The following ATP13A5 variants were observed in gnomAD, a reference collection of about 807,000 sequenced individuals.
ATP13A5 encodes the protein ATPase 13A5.
A neutral mutation model predicts 150.2 loss-of-function variants in ATP13A5; 149 were observed. The observed-to-expected ratio is 0.99, with a 90% CI of 0.87 to 1.14. The LOEUF (loss-of-function observed/expected upper bound fraction) is 1.14. Among genes scored for constraint, ATP13A5 ranks in the 50% most tolerant of loss-of-function variants. The probability of loss-of-function intolerance (pLI) is 0.00; values close to 1 mark genes in which losing one functional copy is unlikely to be tolerated. For synonymous variants in ATP13A5, 497 were observed against 522.2 expected (o/e 0.95, Z 0.66); for missense variants, 1,383 against 1,449.3 (o/e 0.95, Z 0.74).
chr3:193,364,378 G>T, intron 1 of ATP13A5, 98 bp from the exon 2 acceptor site: 2 of 1,435,834 alleles, frequency 1.4e-6, no homozygotes, highest in Non-Finnish European at 1.9e-6. Flanking sequence ...AAGAATGTTG[G>T]CTGGGAGACA....
Position 193,319,052 on chromosome 3 carries a change from TG to T in ATP13A5, c.1971del (p.Ile658LeufsTer8). On this transcript the variant is annotated frameshift_variant, in exon 17 of 30. Transcript: ENST00000342358. LOFTEE classifies it high-confidence loss of function. Reference protein sequence around the residue: ...LRSYTVQGFRVIALAHKTLKM... With the variant: ...LRSYTVQGFRXIALAHKTLKM... ...TTTAAGGTTTTGTGGGCAAGAGCAA[TG>T]ACACGGAAGCCTTGCACCGTGTAAC... is the stretch of plus-strand genomic sequence containing the variant. 6.2e-7 allele frequency: 1 copy of T among 1,613,994 alleles called. No homozygotes were observed. Among genetic ancestry groups the T allele is most frequent in the Non-Finnish European group, 8.5e-7 (1 of 1,179,882 alleles).
At chr3:193,287,675 A>G (rs1717775182) in intron 26 of ATP13A5, among the ~76,000 whole-genome samples, 1 of 152,208 alleles carries the variant, frequency 6.6e-6, no homozygotes, top group Non-Finnish European at 1.5e-5. Context: ...GAGATGTATA[A>G]GGAAATTAAT....
intron 7 of ATP13A5, among the ~76,000 whole-genome samples, chr3:193,350,479 T>C (rs1486920867): frequency 6.6e-6 from 1 of 152,108 alleles, no homozygotes; most frequent in African/African-American, 2.4e-5. Flanking sequence ...CCTTATTGAG[T>C]ATAGAATCAA....
intron 26 of ATP13A5, 84 bp downstream of exon 26, chr3:193,289,801 A>T: frequency 7.5e-7 from 1 of 1,326,134 alleles, no homozygotes; most frequent in Non-Finnish European, 1.0e-6. Context: ...AAGTTTTAGG[A>T]TATATGTTCA....
At chr3:193,298,051 C>T (rs1474939233) in intron 25 of ATP13A5, among the ~76,000 whole-genome samples, 4 of 152,040 alleles carry the variant, frequency 2.6e-5, no homozygotes, top group African/African-American at 7.2e-5. Context: ...CACACTTCAC[C>T]AGCATCATTG....
rs1379947777 is a variant in ATP13A5 at position 193,362,653 on chromosome 3, T to A, written c.385-16A>T. The A allele has an allele frequency of 6.2e-7, 1 of 1,613,070 alleles. No homozygotes were observed. Among genetic ancestry groups the A allele is most frequent in the East Asian group, 2.2e-5 (1 of 44,902 alleles). On this transcript the variant is annotated splice_polypyrimidine_tract_variant and intron_variant, in intron 3 of 29. Transcript: ENST00000342358. ...TGCACCGCAGCTACGATTGCAAATG[T>A]GATAGAGCAGGTGTCATTCACAGCA...
intron 1 of ATP13A5, among the ~76,000 whole-genome samples, chr3:193,378,074 A>ATG (rs5855484): frequency 2.1e-4 from 31 of 150,808 alleles, no homozygotes; most frequent in East Asian, 7.8e-4. Flanking sequence ...TTATTTTTAA[A>ATG]TGTGTGTGTG....
chr3:193,366,022 T>C (rs1713228125), intron 1 of ATP13A5, among the ~76,000 whole-genome samples: 1 of 152,042 alleles, frequency 6.6e-6, no homozygotes. Flanking sequence ...TGAAATAATA[T>C]CTAAATGAGA....
chr3:193,315,229 A>T (rs1719006068), intron 17 of ATP13A5, 133 bp from the exon 18 acceptor site: 1 of 953,770 alleles, frequency 1.0e-6, no homozygotes, highest in Non-Finnish European at 1.5e-6. Flanking sequence ...AAATGAACTT[A>T]AAAGCTTATA....
intron 23 of ATP13A5, 120 bp downstream of exon 23, chr3:193,305,439 A>G: frequency 1.2e-6 from 1 of 828,200 alleles, no homozygotes; most frequent in Non-Finnish European, 2.0e-6. Flanking sequence ...GTTCTCCAAT[A>G]GCACTTCACC....
intron 19 of ATP13A5, 41 bp downstream of exon 19, chr3:193,313,992 T>C: frequency 1.2e-6 from 2 of 1,602,164 alleles, no homozygotes; most frequent in Non-Finnish European, 1.7e-6. Context: ...CTGTATTCCA[T>C]CAGTCTAGGC....
chr3:193,333,739 C>T lies in ATP13A5; in HGVS notation c.1272+11G>A, dbSNP rs1163246735. On this transcript the variant is annotated intron_variant, in intron 11 of 29. Transcript: ENST00000342358. The stretch of plus-strand genomic sequence containing the variant: ...TCTATACTATTGAAAAGCCTTACCC[C>T]CAGTACTTACTCCATGGTACATATA... 1.9e-6 allele frequency: 3 copies of T among 1,612,054 alleles called. No individual in the cohort carries two copies. In the South Asian group the frequency reaches 3.3e-5, roughly 18 times the overall value.
At chr3:193,346,968 C>T (rs73074785) in intron 7 of ATP13A5, among the ~76,000 whole-genome samples, 7,680 of 152,136 alleles carry the variant, frequency 0.05, 566 homozygotes, top group African/African-American at 0.17. Context: ...ATTTCTGAGT[C>T]GTAGGTCAGG....
At chr3:193,358,611 T>A (rs919528065) in intron 5 of ATP13A5, among the ~76,000 whole-genome samples, 1 of 152,242 alleles carries the variant, frequency 6.6e-6, no homozygotes, top group African/African-American at 2.4e-5. Flanking sequence ...GAAAGTTATT[T>A]TAGTTTTTTA....
chr3:193,332,555 A>C (rs570370275), intron 11 of ATP13A5, among the ~76,000 whole-genome samples: 1 of 152,226 alleles, frequency 6.6e-6, no homozygotes, highest in Non-Finnish European at 1.5e-5. Flanking sequence ...TTAGCCATAA[A>C]TACTTTTTTA....
chr3:193,333,034 G>T lies in ATP13A5; in HGVS notation c.1272+716C>A, dbSNP rs998818552. Among the ~76,000 whole-genome samples the T allele has an allele frequency of 2.0e-5, 3 of 152,072 alleles. No homozygotes were observed. The South Asian group carries it at 6.2e-4, about 32-fold the overall frequency. ...GAAATGCTCCCTGGGAGCTATTTCA[G>T]ATTGAAATAACTACTCAGCAGTTAA... On this transcript the variant is annotated intron_variant, in intron 11 of 29. Coordinates refer to ENST00000342358, the MANE Select transcript of ATP13A5 (RefSeq NM_198505.4).
chr3:193,305,720 C>G, intron 22 of ATP13A5, 52 bp from the exon 23 acceptor site: 1 of 1,449,684 alleles, frequency 6.9e-7, no homozygotes, highest in Non-Finnish European at 9.7e-7. Flanking sequence ...TAGGCTTTAC[C>G]TCTTAAAACA....
chr3:193,293,496 A>T (rs1375163611), intron 25 of ATP13A5, among the ~76,000 whole-genome samples: 1 of 152,108 alleles, frequency 6.6e-6, no homozygotes, highest in Non-Finnish European at 1.5e-5. Context: ...AGCTCCCTGA[A>T]GGAAGAAATC....
intron 14 of ATP13A5, chr3:193,323,349 C>A (rs544814563): frequency 6.6e-6 from 1 of 152,272 alleles, no homozygotes; most frequent in African/African-American, 2.4e-5. Flanking sequence ...GTGGAAGGTT[C>A]CCAGTTACCA....
Sources: gnomAD v4.1 joint callset for allele counts (sites outside exome capture counted in the v4.1 genomes callset) on GRCh38, gnomAD v4.1.1 for gene constraint, MANE v1.5 for transcripts, NCBI Gene and HGNC (gene_info 2026-07-23, HGNC 2026-07-21) for gene names.